Variants in KCNH5 observed in about 807,000 individuals in gnomAD.
The protein encoded by KCNH5 is voltage-gated delayed rectifier potassium channel KCNH5.
In KCNH5, 46 loss-of-function variants were observed where a neutral mutation model predicts 96.1. That is an observed-to-expected ratio of 0.48 (90% CI 0.38 to 0.61). KCNH5 has a LOEUF of 0.61. Among genes scored for constraint, KCNH5 ranks in the 20% least tolerant of loss-of-function variants. The pLI is 0.00. For missense variants in KCNH5, 907 were observed against 1,225.8 expected, an observed-to-expected ratio of 0.74 and a Z score of 3.88; for synonymous variants, 439 against 449.8, an observed-to-expected ratio of 0.98 and a Z score of 0.30.
chr14:62,886,824 A>T lies in KCNH5; in HGVS notation c.1370-36972T>A, dbSNP rs150141228. Among the ~76,000 whole-genome samples the T allele has an allele frequency of 8.5e-5, 13 of 152,306 alleles. No homozygotes were observed. In the East Asian group the frequency reaches 2.5e-3, roughly 29 times the overall value. On this transcript the variant is annotated intron_variant, in intron 7 of 10. Transcript: ENST00000322893. ...TATACAAATTACTGTATCTTGATTT[A>T]AAAAAGGGAGGAACTAATACCAGAA...
chr14:62,865,941 T>G (rs1291028919), intron 7 of KCNH5, among the ~76,000 whole-genome samples: 1 of 152,194 alleles, frequency 6.6e-6, no homozygotes, highest in African/African-American at 2.4e-5. Flanking sequence ...ATTGGATCTT[T>G]TAAAGAGCAA....
intron 8 of KCNH5, among the ~76,000 whole-genome samples, chr14:62,812,480 C>A (rs1178476206): frequency 1.3e-5 from 2 of 152,110 alleles, no homozygotes; most frequent in East Asian, 3.9e-4. Flanking sequence ...ATGAAAAGGA[C>A]CTGAGCCAGA....
chr14:62,854,150 A>T (rs548026013), intron 7 of KCNH5, among the ~76,000 whole-genome samples: 31 of 152,000 alleles, frequency 2.0e-4, no homozygotes, highest in African/African-American at 7.5e-4. Context: ...CACTACTTTA[A>T]CTTACATTAC....
At chr14:62,748,119 G>C (rs986762110) in intron 10 of KCNH5, among the ~76,000 whole-genome samples, 4 of 152,152 alleles carry the variant, frequency 2.6e-5, no homozygotes, top group African/African-American at 4.8e-5. Flanking sequence ...TGAGTCCACA[G>C]TGCTAAGCAA....
chr14:62,865,060 G>T (rs1302645456), intron 7 of KCNH5, among the ~76,000 whole-genome samples: 3 of 152,108 alleles, frequency 2.0e-5, no homozygotes, highest in Non-Finnish European at 4.4e-5. Flanking sequence ...GTCATGAAAG[G>T]CCATGCCTAC....
chr14:62,968,472 C>T (rs935061845), intron 6 of KCNH5, among the ~76,000 whole-genome samples: 2 of 152,074 alleles, frequency 1.3e-5, no homozygotes, highest in African/African-American at 4.8e-5. Flanking sequence ...GTATGGAAAG[C>T]TGGTAGGGTA....
chr14:62,766,576 A>C (rs963825736), intron 10 of KCNH5, among the ~76,000 whole-genome samples: 1 of 152,178 alleles, frequency 6.6e-6, no homozygotes, highest in Non-Finnish European at 1.5e-5. Context: ...CAAGCCAGGC[A>C]CAGAAAGACA....
intron 7 of KCNH5, among the ~76,000 whole-genome samples, chr14:62,946,947 T>A (rs779067298): frequency 2.2e-4 from 33 of 152,108 alleles, no homozygotes; most frequent in Admixed American, 8.5e-4. Context: ...AGGTTACATA[T>A]AAAAGACAGC....
intron 4 of KCNH5, among the ~76,000 whole-genome samples, chr14:63,000,093 T>C (rs1017425817): frequency 6.6e-6 from 1 of 152,198 alleles, no homozygotes; most frequent in Admixed American, 6.5e-5. Context: ...ATCCTCTCGC[T>C]ATTTGATGTT....
intron 10 of KCNH5, 101 bp from the exon 11 acceptor site, chr14:62,708,556 C>A: frequency 1.5e-6 from 1 of 665,654 alleles, no homozygotes. Flanking sequence ...AAAGAAAACC[C>A]TTGAATATTT....
At chr14:62,710,850 C>T (rs1018040618) in intron 10 of KCNH5, among the ~76,000 whole-genome samples, 4 of 152,172 alleles carry the variant, frequency 2.6e-5, no homozygotes, top group Admixed American at 2.6e-4. Context: ...CTGAATTGGA[C>T]ATATGTATCC....
intron 1 of KCNH5, among the ~76,000 whole-genome samples, chr14:63,037,505 T>C (rs926703487): frequency 2.0e-5 from 3 of 152,182 alleles, no homozygotes; most frequent in Non-Finnish European, 4.4e-5. Context: ...CTGAGACTCT[T>C]TAACCCCCAT....
intron 7 of KCNH5, among the ~76,000 whole-genome samples, chr14:62,916,306 A>G (rs1336301430): frequency 6.6e-6 from 1 of 152,124 alleles, no homozygotes; most frequent in East Asian, 1.9e-4. Flanking sequence ...CCACAACCAT[A>G]CCCCAAATAA....
chr14:62,792,952 T>A (rs765913363), intron 9 of KCNH5, among the ~76,000 whole-genome samples: 1 of 151,774 alleles, frequency 6.6e-6, no homozygotes, highest in Non-Finnish European at 1.5e-5. Context: ...TACAATGGAA[T>A]ATTATTCAGC....
intron 7 of KCNH5, among the ~76,000 whole-genome samples, chr14:62,914,778 G>C (rs1212036824): frequency 6.6e-6 from 1 of 152,142 alleles, no homozygotes; most frequent in Non-Finnish European, 1.5e-5. Flanking sequence ...TTGTTTATAA[G>C]CTCCTCAGAC....
intron 2 of KCNH5, among the ~76,000 whole-genome samples, chr14:63,009,933 T>A (rs925852269): frequency 1.3e-5 from 2 of 152,230 alleles, no homozygotes; most frequent in African/African-American, 4.8e-5. Context: ...CCATATATAA[T>A]AATTTTCCAT....
intron 1 of KCNH5, among the ~76,000 whole-genome samples, chr14:63,038,702 TA>T (rs1891769101): frequency 6.6e-6 from 1 of 152,084 alleles, no homozygotes; most frequent in South Asian, 2.1e-4. Context: ...AAATGATGTC[TA>T]AAATACACAC....
chr14:62,788,249 T>C (rs1159829860), intron 9 of KCNH5, among the ~76,000 whole-genome samples: 2 of 152,110 alleles, frequency 1.3e-5, no homozygotes, highest in African/African-American at 4.8e-5. Context: ...AGCTACAGAC[T>C]TCAGTGGAGG....
chr14:62,927,683 A>T (rs990414255), intron 7 of KCNH5, among the ~76,000 whole-genome samples: 2 of 152,100 alleles, frequency 1.3e-5, no homozygotes, highest in Non-Finnish European at 2.9e-5. Flanking sequence ...AAAATACTCA[A>T]ATTCATAGAG....
Sources: allele counts gnomAD v4.1 joint callset (sites outside exome capture counted in the v4.1 genomes callset), GRCh38; gene constraint gnomAD v4.1.1; transcripts MANE v1.5; gene names NCBI Gene and HGNC (gene_info 2026-07-23, HGNC 2026-07-21).